The following MLLT10 variants were observed in gnomAD, a reference collection of about 807,000 sequenced individuals.
MLLT10 encodes protein AF-10.
MLLT10 carries 30 observed loss-of-function variants against 129.1 expected under a neutral mutation model. That is an observed-to-expected ratio of 0.23 (90% confidence interval 0.17 to 0.32). The LOEUF is 0.32. Ranked by LOEUF, MLLT10 falls within the 10% of genes least tolerant of loss-of-function variation. The pLI is 1.00. For missense variants in MLLT10, 1,119 were observed against 1,268.3 expected (o/e 0.88, Z 1.79); for synonymous variants, 490 against 446.4 (o/e 1.10, Z -1.23).
At chr10:21,628,431 CTTTTTTTTT>C (rs774410121) in intron 8 of MLLT10, among the ~76,000 whole-genome samples, 1 of 116,000 alleles carries the variant, frequency 8.6e-6, no homozygotes, top group Non-Finnish European at 1.8e-5. Flanking sequence ...GATGCTCTCT[CTTTTTTTTT>C]TTTTTTTTTT....
At chr10:21,599,450 C>A (rs2043315051) in intron 5 of MLLT10, among the ~76,000 whole-genome samples, 1 of 152,176 alleles carries the variant, frequency 6.6e-6, no homozygotes, top group African/African-American at 2.4e-5. Flanking sequence ...TATTGAACTC[C>A]ATATGCTCAT....
intron 9 of MLLT10, among the ~76,000 whole-genome samples, chr10:21,667,745 G>A (rs746305004): frequency 8.6e-5 from 13 of 152,032 alleles, no homozygotes; most frequent in Non-Finnish European, 1.0e-4. Flanking sequence ...CTAATCTGAG[G>A]CAACCATACC....
chr10:21,535,736 G>A (rs933069242), intron 2 of MLLT10, among the ~76,000 whole-genome samples: 1 of 152,086 alleles, frequency 6.6e-6, no homozygotes, highest in African/African-American at 2.4e-5. Context: ...TCTGAATCTG[G>A]CATTAAGCGA....
intron 2 of MLLT10, 75 bp downstream of exon 2, chr10:21,534,879 C>CCGCCGG (rs1014132140): frequency 1.4e-5 from 15 of 1,059,204 alleles, no homozygotes; most frequent in South Asian, 1.1e-4. Flanking sequence ...TGGGCCGCAA[C>CCGCCGG]CGCCGGCGCC....
rs1171145477 is a variant in MLLT10, at chr10:21,673,864, G to C, written c.1566G>C (p.Leu522Phe). 1 of 1,613,486 alleles carries C rather than the reference G, an allele frequency of 6.2e-7. No individual in the cohort carries two copies. The highest frequency in any genetic ancestry group is 1.7e-5 in the Admixed American group (1 of 59,936). Residue 522 changes from leucine (L) to phenylalanine (F), a missense_variant, in exon 11 of 23, where the codon TTG becomes TTC. This residue lies in a region of MLLT10 where 1,004 missense variants were observed against 1,008.7 expected (regional missense o/e 1.00). Coordinates refer to ENST00000307729, the MANE Select transcript of MLLT10 (RefSeq NM_001195626.3). ...CTAGTCTGCAGAAATCTCCTACATT[G>C]CTCAGGAATGGAAGTTTACAGAGCC... The part of the protein sequence containing the change: ...TSSSLQKSPT[L>F]LRNGSLQSLS...
chr10:21,622,230 T>A (rs1377860907), intron 8 of MLLT10, among the ~76,000 whole-genome samples: 1 of 143,004 alleles, frequency 7.0e-6, no homozygotes. Context: ...CCACCATAGC[T>A]CACTGCAGCC....
At position 21,703,010 on chromosome 10, in the gene MLLT10, G is replaced by A. The variant is rs543409147; in HGVS notation, c.1700-10762G>A. On this transcript the variant is annotated intron_variant, in intron 13 of 22. Transcript: ENST00000307729. ...TTCTTTCTTTTCCTTTCTTTTTGTCGTTGTGGTTTTGTGGTTTTCTGTAGG... is the reference window on the plus strand; with the variant it reads ...TTCTTTCTTTTCCTTTCTTTTTGTCATTGTGGTTTTGTGGTTTTCTGTAGG... Among the ~76,000 whole-genome samples, 18 of 151,922 alleles carry A rather than the reference G, an allele frequency of 1.2e-4. No homozygotes were observed. The South Asian group carries it at 1.2e-3, about 11-fold the overall frequency.
intron 8 of MLLT10, among the ~76,000 whole-genome samples, chr10:21,630,545 G>A (rs528020092): frequency 4.1e-4 from 63 of 152,290 alleles, no homozygotes; most frequent in African/African-American, 1.5e-3. Context: ...CAAGCAAACA[G>A]CCTTGGAAAA....
chr10:21,539,494 C>T (rs1205803423), intron 3 of MLLT10, among the ~76,000 whole-genome samples: 1 of 150,710 alleles, frequency 6.6e-6, no homozygotes, highest in East Asian at 1.9e-4. Context: ...GAAGGAGGTG[C>T]CGGGTGCAGT....
At chr10:21,693,419 A>G (rs2054066269) in intron 13 of MLLT10, among the ~76,000 whole-genome samples, 1 of 151,612 alleles carries the variant, frequency 6.6e-6, no homozygotes, top group South Asian at 2.1e-4. Flanking sequence ...TCTTTTTGTC[A>G]CCATCTCTTA....
chr10:21,552,378 C>G (rs1427223861), intron 3 of MLLT10, among the ~76,000 whole-genome samples: 1 of 129,628 alleles, frequency 7.7e-6, no homozygotes, highest in Non-Finnish European at 1.7e-5. Context: ...CTTTGTATAT[C>G]TTCTTATTGC....
chr10:21,568,237 T>C (rs1281906782), intron 3 of MLLT10, among the ~76,000 whole-genome samples: 1 of 152,246 alleles, frequency 6.6e-6, no homozygotes, highest in Non-Finnish European at 1.5e-5. Context: ...AATTTACTGC[T>C]ATATTGTGCC....
intron 14 of MLLT10, among the ~76,000 whole-genome samples, chr10:21,718,895 T>A (rs1187866942): frequency 6.6e-6 from 1 of 152,106 alleles, no homozygotes; most frequent in Non-Finnish European, 1.5e-5. Context: ...GGCTAATTTT[T>A]GTGTTTTTGG....
At chr10:21,596,162 G>T (rs1295087826) in intron 5 of MLLT10, among the ~76,000 whole-genome samples, 1 of 151,902 alleles carries the variant, frequency 6.6e-6, no homozygotes, top group Non-Finnish European at 1.5e-5. Context: ...ATACAGACAA[G>T]TAAATAAATA....
chr10:21,554,827 T>C (rs978754397), intron 3 of MLLT10, among the ~76,000 whole-genome samples: 49 of 151,524 alleles, frequency 3.2e-4, no homozygotes, highest in Admixed American at 4.6e-4. Flanking sequence ...TTTCTTTCTT[T>C]CTTTTTTTTT....
At chr10:21,595,921 C>CT (rs201408311) in intron 5 of MLLT10, among the ~76,000 whole-genome samples, 1 of 151,894 alleles carries the variant, frequency 6.6e-6, no homozygotes, top group East Asian at 1.9e-4. Flanking sequence ...AAAAAGTTTG[C>CT]TTTTTTCCTG....
chr10:21,655,957 A>C (rs1384900065), intron 9 of MLLT10, among the ~76,000 whole-genome samples: 1 of 152,126 alleles, frequency 6.6e-6, no homozygotes, highest in East Asian at 1.9e-4. Flanking sequence ...ATAATAGGGG[A>C]GGTTCACAAC....
chr10:21,654,109 T>C lies in MLLT10; in HGVS notation c.795+2341T>C, dbSNP rs576956124. ...TTAAGGACTAGCCCTTTTAGTCATT[T>C]GGAGGTCATTACTGACCTTGAACAG... On this transcript the variant is annotated intron_variant, in intron 9 of 22. Transcript: ENST00000307729. Among the ~76,000 whole-genome samples, 4 of 152,302 alleles carry C rather than the reference T, an allele frequency of 2.6e-5. No homozygotes were observed. The East Asian group carries it at 7.7e-4, about 29-fold the overall frequency.
At chr10:21,625,618 G>T in intron 8 of MLLT10, 1 of 756,976 alleles carries the variant, frequency 1.3e-6, no homozygotes, top group South Asian at 1.4e-5. Flanking sequence ...CATAGAGAAT[G>T]ACGTCCACCA....
Sources: allele counts gnomAD v4.1 joint callset (sites outside exome capture counted in the v4.1 genomes callset), GRCh38; gene constraint gnomAD v4.1.1; regional missense constraint gnomAD v4.1.1; transcripts MANE v1.5; gene names NCBI Gene and HGNC (gene_info 2026-07-23, HGNC 2026-07-21).